ATXN7L1: variants seen among roughly 807,000 people sequenced by gnomAD.
The protein encoded by ATXN7L1 is ataxin 7 like 1, also known as ataxin-7-like protein 1.
A neutral mutation model predicts 70.8 loss-of-function variants in ATXN7L1; 15 were observed. The observed-to-expected ratio is 0.21, with a 90% CI of 0.14 to 0.33. The LOEUF is 0.33. ATXN7L1 is among the 10% of genes least tolerant of loss of function. ATXN7L1 has a pLI of 1.00. For missense variants in ATXN7L1, 975 were observed against 1,097.1 expected (o/e 0.89, Z 1.57); for synonymous variants, 440 against 445.1 (o/e 0.99, Z 0.14).
intron 8 of ATXN7L1, among the ~76,000 whole-genome samples, chr7:105,622,387 A>G (rs1429364870): frequency 1.3e-5 from 2 of 152,280 alleles, no homozygotes; most frequent in Middle Eastern, 3.4e-3. Flanking sequence ...CTACCTGTGT[A>G]TCTGATTCCG....
At chr7:105,694,885 G>A (rs1184017212) in intron 3 of ATXN7L1, among the ~76,000 whole-genome samples, 4 of 152,214 alleles carry the variant, frequency 2.6e-5, no homozygotes, top group African/African-American at 9.7e-5. Flanking sequence ...AGGCACGGTG[G>A]CTCACACCTG....
intron 3 of ATXN7L1, among the ~76,000 whole-genome samples, chr7:105,671,195 A>G (rs556537090): frequency 6.5e-4 from 98 of 151,244 alleles, no homozygotes; most frequent in African/African-American, 2.3e-3. Context: ...CGGCAGGAGA[A>G]TCACTTGAAC....
chr7:105,714,834 T>G, intron 3 of ATXN7L1, among the ~76,000 whole-genome samples: 1 of 152,152 alleles, frequency 6.6e-6, no homozygotes, highest in East Asian at 1.9e-4. Context: ...AGCTACTTTT[T>G]GTATTTTTAG....
intron 2 of ATXN7L1, among the ~76,000 whole-genome samples, chr7:105,874,812 A>G (rs980906868): frequency 2.0e-5 from 3 of 152,098 alleles, no homozygotes; most frequent in African/African-American, 7.2e-5. Flanking sequence ...ATCCCTTTTT[A>G]TGAGGGGGAC....
chr7:105,816,474 A>G (rs930950080), intron 2 of ATXN7L1, among the ~76,000 whole-genome samples: 3 of 152,242 alleles, frequency 2.0e-5, no homozygotes, highest in African/African-American at 7.2e-5. Context: ...AGGAAGTATT[A>G]CAAAATTCTT....
intron 2 of ATXN7L1, among the ~76,000 whole-genome samples, chr7:105,869,907 A>G (rs981618933): frequency 6.6e-6 from 1 of 152,226 alleles, no homozygotes; most frequent in East Asian, 1.9e-4. Flanking sequence ...CTTCTTAGCC[A>G]TAGGCCATAT....
intron 3 of ATXN7L1, among the ~76,000 whole-genome samples, chr7:105,729,414 G>A (rs997719956): frequency 1.4e-5 from 2 of 146,882 alleles, no homozygotes; most frequent in Admixed American, 7.0e-5. Context: ...AGGCATGGAA[G>A]CATAAATCCC....
rs114694198 is a variant in ATXN7L1 at position 105,732,828 on chromosome 7, C to A, written c.355+55776G>T. 1.9e-3 allele frequency among the ~76,000 whole-genome samples: 288 copies of A among 152,330 alleles called. 1 individual carries two copies. The highest frequency in any genetic ancestry group is 6.8e-3 in the African/African-American group (282 of 41,580). Reference sequence around the variant, plus strand: ...CCCTCCAGTCACGCTGGGCTCATAGCTGTTCCTCAAACCCACCAAGCATGT... The same window carrying A: ...CCCTCCAGTCACGCTGGGCTCATAGATGTTCCTCAAACCCACCAAGCATGT... On this transcript the variant is annotated intron_variant, in intron 3 of 11. Transcript: ENST00000419735.
intron 2 of ATXN7L1, among the ~76,000 whole-genome samples, chr7:105,789,056 G>C (rs1359044756): frequency 6.6e-6 from 1 of 152,206 alleles, no homozygotes; most frequent in Non-Finnish European, 1.5e-5. Context: ...GCTCTATATA[G>C]CTCAGGATGC....
intron 2 of ATXN7L1, among the ~76,000 whole-genome samples, chr7:105,804,792 A>C (rs143267967): frequency 1.3e-5 from 2 of 152,212 alleles, no homozygotes; most frequent in East Asian, 1.9e-4. Context: ...AGATAAGGAA[A>C]TAGAAGCTCA....
intron 2 of ATXN7L1, among the ~76,000 whole-genome samples, chr7:105,810,503 T>A (rs1159690079): frequency 1.3e-5 from 2 of 152,056 alleles, no homozygotes; most frequent in Non-Finnish European, 2.9e-5. Flanking sequence ...TGGCTGGAAT[T>A]GTAAAAAGGG....
Position 105,799,937 on chromosome 7 carries a change from G to A in ATXN7L1, c.251-11229C>T, listed in dbSNP as rs1244932383. On this transcript the variant is annotated intron_variant, in intron 2 of 11. Transcript: ENST00000419735. ...GGCTACCGACTGCACCAATGCTGCC[G>A]AGGGACAGAAATAAACTTTTGCTGT... 3.3e-5 allele frequency among the ~76,000 whole-genome samples: 5 copies of A among 152,124 alleles called. No homozygotes were observed. In the East Asian group the frequency reaches 5.8e-4, roughly 18 times the overall value.
chr7:105,748,982 G>A (rs1321271941), intron 3 of ATXN7L1, among the ~76,000 whole-genome samples: 1 of 152,194 alleles, frequency 6.6e-6, no homozygotes, highest in African/African-American at 2.4e-5. Flanking sequence ...GACAATGCTT[G>A]GGCACCATTC....
chr7:105,705,198 G>A (rs1185200768), intron 3 of ATXN7L1, among the ~76,000 whole-genome samples: 2 of 151,606 alleles, frequency 1.3e-5, no homozygotes, highest in African/African-American at 4.8e-5. Context: ...CCTAATTATT[G>A]TATTTTTAGT....
chr7:105,613,439 T>A, intron 10 of ATXN7L1: 1 of 1,008,804 alleles, frequency 9.9e-7, no homozygotes, highest in Non-Finnish European at 1.2e-6. Context: ...CTCAAGCTCT[T>A]CCTAAGGGGG....
At chr7:105,784,435 A>AAC (rs10667714) in intron 3 of ATXN7L1, among the ~76,000 whole-genome samples, 27,930 of 149,628 alleles carry the variant, frequency 0.19, 2,670 homozygotes, top group South Asian at 0.3. Context: ...TGACTGGCTA[A>AAC]ACACACACAC....
At position 105,861,025 on chromosome 7, in the gene ATXN7L1, C is replaced by A. The variant is rs151028867; in HGVS notation, c.250+14787G>T. On this transcript the variant is annotated intron_variant, in intron 2 of 11. Transcript: ENST00000419735. The stretch of plus-strand genomic sequence containing the variant: ...CGGAGAAGGTCCAGGCGGGGTGGCC[C>A]GAGCGGCAGGGTGGCTTCCTTAGAA... Among the ~76,000 whole-genome samples the A allele has an allele frequency of 3.2e-3, 483 of 152,104 alleles. 2 individuals are homozygous for A. Among genetic ancestry groups the A allele is most frequent in the African/African-American group, 0.011 (445 of 41,478 alleles).
intron 3 of ATXN7L1, among the ~76,000 whole-genome samples, chr7:105,701,392 C>G (rs755991259): frequency 6.6e-6 from 1 of 152,012 alleles, no homozygotes; most frequent in African/African-American, 2.4e-5. Context: ...TACATATGTA[C>G]AACACACAGA....
intron 2 of ATXN7L1, among the ~76,000 whole-genome samples, chr7:105,824,751 T>A (rs1476941908): frequency 6.6e-6 from 1 of 151,556 alleles, no homozygotes; most frequent in Non-Finnish European, 1.5e-5. Flanking sequence ...TTTCCAGAAT[T>A]GAAGAATATG....
Sources: gnomAD v4.1 joint callset for allele counts (sites outside exome capture counted in the v4.1 genomes callset) on GRCh38, gnomAD v4.1.1 for gene constraint, MANE v1.5 for transcripts, NCBI Gene and HGNC (gene_info 2026-07-23, HGNC 2026-07-21) for gene names.